The following TMC1 variants were observed in gnomAD, a reference collection of about 807,000 sequenced individuals.
The protein encoded by TMC1 is transmembrane channel like 1, also known as transmembrane channel-like protein 1.
In TMC1, 84 loss-of-function variants were observed where a neutral mutation model predicts 105.8. The observed-to-expected ratio is 0.79, with a 90% confidence interval of 0.67 to 0.95. The LOEUF (loss-of-function observed/expected upper bound fraction) is 0.95, where lower values mean the gene tolerates loss of function less well. TMC1 is among the 40% of genes least tolerant of loss of function. TMC1 has a pLI of 0.00. For synonymous variants in TMC1, 315 were observed against 311.5 expected, an observed-to-expected ratio of 1.01 and a Z score of -0.12; for missense variants, 817 against 914.1, an observed-to-expected ratio of 0.89 and a Z score of 1.37.
chr9:72,748,741 A>C (rs570207378), intron 10 of TMC1, among the ~76,000 whole-genome samples: 1 of 152,310 alleles, frequency 6.6e-6, no homozygotes, highest in East Asian at 1.9e-4. Context: ...GTGTTGAGAC[A>C]GGAAAAACTG....
intron 9 of TMC1, among the ~76,000 whole-genome samples, chr9:72,742,093 C>T (rs144984810): frequency 3.7e-4 from 56 of 152,188 alleles, no homozygotes; most frequent in African/African-American, 1.2e-3. Context: ...TTGAGTCCTT[C>T]ATACAATGAA....
intron 2 of TMC1, among the ~76,000 whole-genome samples, chr9:72,586,964 C>G (rs866760009): frequency 1.3e-5 from 2 of 152,242 alleles, no homozygotes; most frequent in South Asian, 4.1e-4. Context: ...TTGCCTCTCT[C>G]CCATCAACAA....
At chr9:72,648,463 T>C (rs1471151354) in intron 4 of TMC1, 134 bp from the exon 5 acceptor site, 3 of 655,702 alleles carry the variant, frequency 4.6e-6, no homozygotes, top group Non-Finnish European at 8.2e-6. Context: ...TTCGTGAAAA[T>C]TTAATGGTGA....
chr9:72,725,779 C>T (rs183585307), intron 8 of TMC1, among the ~76,000 whole-genome samples: 54 of 152,124 alleles, frequency 3.5e-4, no homozygotes, highest in African/African-American at 1.3e-3. Context: ...CAAGCTCTGC[C>T]TCCCGGGTTC....
chr9:72,599,248 C>T (rs1353878149), intron 2 of TMC1, among the ~76,000 whole-genome samples: 1 of 152,162 alleles, frequency 6.6e-6, no homozygotes, highest in Admixed American at 6.5e-5. Context: ...CCAGGCCGGT[C>T]TCAAACTCCT....
intron 1 of TMC1, among the ~76,000 whole-genome samples, chr9:72,543,323 T>A (rs1282387450): frequency 6.6e-6 from 1 of 152,178 alleles, no homozygotes; most frequent in African/African-American, 2.4e-5. Flanking sequence ...ATCTCCTGCA[T>A]CTCAGGTCTA....
chr9:72,787,053 A>G (rs1180332328), intron 13 of TMC1, among the ~76,000 whole-genome samples: 3 of 150,562 alleles, frequency 2.0e-5, no homozygotes, highest in Admixed American at 6.6e-5. Flanking sequence ...ATGGCTTTTC[A>G]TACCTCATGG....
At chr9:72,777,288 C>T (rs1828021601) in intron 13 of TMC1, among the ~76,000 whole-genome samples, 1 of 152,110 alleles carries the variant, frequency 6.6e-6, no homozygotes, top group Admixed American at 6.6e-5. Context: ...TCTTTTTCCT[C>T]CCCATTTTCC....
At chr9:72,550,513 C>T (rs990097792) in intron 1 of TMC1, among the ~76,000 whole-genome samples, 8 of 150,696 alleles carry the variant, frequency 5.3e-5, no homozygotes, top group Middle Eastern at 3.2e-3. Flanking sequence ...AAAAAATTAG[C>T]AGGGCAAGCT....
chr9:72,634,533 T>C (rs1429919048), intron 4 of TMC1, among the ~76,000 whole-genome samples: 1 of 152,202 alleles, frequency 6.6e-6, no homozygotes, highest in Non-Finnish European at 1.5e-5. Context: ...GGCATTAGTT[T>C]CAGGTAGGGA....
Position 72,694,726 on chromosome 9 carries a change from C to G in TMC1, c.236+12C>G. On this transcript the variant is annotated intron_variant, in intron 7 of 23. Coordinates refer to ENST00000297784, the MANE Select transcript of TMC1 (RefSeq NM_138691.3). ...CTAAAGAGAGGAGCGTAAGTTAGTT[C>G]TGATATTCTTTCAAAAGTTCCAATG... 1.9e-6 allele frequency: 3 copies of G among 1,598,926 alleles called. No individual in the cohort carries two copies. Among genetic ancestry groups the G allele is most frequent in the Non-Finnish European group, 2.6e-6 (3 of 1,172,100 alleles).
At chr9:72,543,041 A>G (rs1336474198) in intron 1 of TMC1, among the ~76,000 whole-genome samples, 1 of 151,968 alleles carries the variant, frequency 6.6e-6, no homozygotes, top group Non-Finnish European at 1.5e-5. Context: ...GTTTTTTTCT[A>G]TGTGATAATT....
At position 72,521,760 on chromosome 9, in the gene TMC1, A is replaced by G. The variant is rs947661533; in HGVS notation, c.-581A>G. On this transcript the variant is annotated 5_prime_UTR_variant, in exon 1 of 24. Coordinates refer to ENST00000297784, the MANE Select transcript of TMC1 (RefSeq NM_138691.3). Reference sequence around the variant, plus strand: ...TCCGTCACAAAAAAAAAAAGAAAAAAGAAACACCAGTTTTCTGATTTCACC... The same window carrying G: ...TCCGTCACAAAAAAAAAAAGAAAAAGGAAACACCAGTTTTCTGATTTCACC... The G allele has an allele frequency of 6.6e-6, 1 of 152,182 alleles. No individual in the cohort carries two copies. The highest frequency in any genetic ancestry group is 2.4e-5 in the African/African-American group (1 of 41,440). 9.4% of individuals were successfully genotyped at this position (152,182 alleles called of 1,614,324 possible). A position where few individuals can be genotyped will look rare whatever the true frequency, so the allele number is the denominator to read the frequency against.
intron 18 of TMC1, among the ~76,000 whole-genome samples, chr9:72,811,615 A>G (rs543490919): frequency 7.9e-5 from 12 of 152,328 alleles, no homozygotes; most frequent in African/African-American, 2.9e-4. Context: ...TCAAGAAGAA[A>G]TAGAATTAGA....
chr9:72,774,438 T>A (rs544748063), intron 13 of TMC1, among the ~76,000 whole-genome samples: 1 of 152,332 alleles, frequency 6.6e-6, no homozygotes, highest in East Asian at 1.9e-4. Flanking sequence ...CTTTGAAATC[T>A]GGTGTGTATT....
rs72200654 is a variant in TMC1, at chr9:72,700,713, C to CATAT, written c.362+98_362+101dup. The stretch of plus-strand genomic sequence containing the variant: ...GATTTTCTAAATCCTCTGAATATTC[C>CATAT]ATATATATATATATATATATATATA... On this transcript the variant is annotated intron_variant, in intron 8 of 23. Transcript: ENST00000297784. 587 of 320,698 alleles carry CATAT rather than the reference C, an allele frequency of 1.8e-3. 6 individuals are homozygous for CATAT. The highest frequency in any genetic ancestry group is 6.0e-3 in the Admixed American group (156 of 25,906). The allele number at this position is 320,698 out of a possible 1,614,324, so 19.9% of individuals were successfully genotyped here.
chr9:72,653,787 C>T (rs1478334885), intron 5 of TMC1, among the ~76,000 whole-genome samples: 1 of 152,128 alleles, frequency 6.6e-6, no homozygotes, highest in Non-Finnish European at 1.5e-5. Flanking sequence ...ACCCCACCAC[C>T]CATATACTCT....
chr9:72,664,289 CAT>C (rs771397157), intron 5 of TMC1, among the ~76,000 whole-genome samples: 6 of 152,104 alleles, frequency 3.9e-5, no homozygotes, highest in Non-Finnish European at 8.8e-5. Context: ...TCACCACAAA[CAT>C]ATGAGTAATG....
chr9:72,680,644 CT>C (rs1826271188), intron 5 of TMC1, among the ~76,000 whole-genome samples: 1 of 151,950 alleles, frequency 6.6e-6, no homozygotes, highest in East Asian at 1.9e-4. Flanking sequence ...CTCTCATTTC[CT>C]TTTTCTCTTT....
Sources: gnomAD v4.1 joint callset for allele counts (sites outside exome capture counted in the v4.1 genomes callset) on GRCh38, gnomAD v4.1.1 for gene constraint, MANE v1.5 for transcripts, NCBI Gene and HGNC (gene_info 2026-07-23, HGNC 2026-07-21) for gene names.